The following GALNTL6 variants were observed in gnomAD, a reference collection of about 807,000 sequenced individuals.
GALNTL6 encodes the protein polypeptide N-acetylgalactosaminyltransferase like 6.
A neutral mutation model predicts 73.7 loss-of-function variants in GALNTL6; 46 were observed. The observed-to-expected ratio is 0.62, with a 90% CI of 0.49 to 0.80. The LOEUF (loss-of-function observed/expected upper bound fraction) is 0.80, where lower values mean the gene tolerates loss of function less well. Ranked by LOEUF, GALNTL6 falls within the 30% of genes least tolerant of loss-of-function variation. The probability of loss-of-function intolerance (pLI) is 0.00; values close to 1 mark genes in which losing one functional copy is unlikely to be tolerated. For synonymous variants in GALNTL6, 259 were observed against 263.7 expected, an observed-to-expected ratio of 0.98 and a Z score of 0.17; for missense variants, 604 against 755.0, an observed-to-expected ratio of 0.80 and a Z score of 2.34.
chr4:172,999,010 G>T (rs1285640397), intron 10 of GALNTL6, among the ~76,000 whole-genome samples: 4 of 151,248 alleles, frequency 2.6e-5, no homozygotes, highest in Non-Finnish European at 5.9e-5. Flanking sequence ...AAAAAACGTT[G>T]GCTGGTAAAA....
chr4:172,942,635 T>C (rs970985931), intron 9 of GALNTL6, among the ~76,000 whole-genome samples: 1 of 152,160 alleles, frequency 6.6e-6, no homozygotes, highest in Non-Finnish European at 1.5e-5. Context: ...CACCCACTTG[T>C]CAGAAGCATA....
At chr4:172,357,632 T>TACACACACACAC (rs1261733062) in intron 5 of GALNTL6, among the ~76,000 whole-genome samples, 2 of 7,630 alleles carry the variant, frequency 2.6e-4, no homozygotes, top group Non-Finnish European at 1.4e-3. Context: ...TATATAGATA[T>TACACACACACAC]ATACACACAC....
chr4:172,791,136 A>C (rs1414991965), intron 5 of GALNTL6, among the ~76,000 whole-genome samples: 1 of 152,148 alleles, frequency 6.6e-6, no homozygotes, highest in Non-Finnish European at 1.5e-5. Flanking sequence ...GCAAAAGGTA[A>C]AGGAACAGAA....
intron 2 of GALNTL6, among the ~76,000 whole-genome samples, chr4:171,984,913 G>A (rs1740019492): frequency 6.6e-6 from 1 of 151,878 alleles, no homozygotes; most frequent in Non-Finnish European, 1.5e-5. Flanking sequence ...AGCACTTTGG[G>A]AGGTCGAGGC....
At chr4:172,782,261 C>T (rs145045562) in intron 5 of GALNTL6, among the ~76,000 whole-genome samples, 113 of 152,154 alleles carry the variant, frequency 7.4e-4, no homozygotes, top group African/African-American at 2.6e-3. Context: ...GATTTATAGG[C>T]GTATGTTAAA....
chr4:172,960,627 G>A (rs1353208055), intron 10 of GALNTL6, among the ~76,000 whole-genome samples: 2 of 152,138 alleles, frequency 1.3e-5, no homozygotes, highest in African/African-American at 2.4e-5. Context: ...GGAACAATGT[G>A]TAAAAGAATG....
intron 2 of GALNTL6, among the ~76,000 whole-genome samples, chr4:171,981,148 T>C (rs192256680): frequency 3.5e-4 from 54 of 152,288 alleles, no homozygotes; most frequent in African/African-American, 1.3e-3. Context: ...TGCTTTTATG[T>C]TTTAGGAAGA....
rs555365399 is a variant in GALNTL6 at position 172,538,325 on chromosome 4, G to T, written c.553+189636G>T. ...AATACAAAAAAATTAGCCAGGCGTGGTGGCGGTGCCTGTAGTCCCATCTAC... is the reference window on the plus strand; with the variant it reads ...AATACAAAAAAATTAGCCAGGCGTGTTGGCGGTGCCTGTAGTCCCATCTAC... On this transcript the variant is annotated intron_variant, in intron 5 of 12. Transcript: ENST00000506823. Among the ~76,000 whole-genome samples, 39 of 152,160 alleles carry T rather than the reference G, an allele frequency of 2.6e-4. 1 individual carries two copies. The South Asian group carries it at 8.1e-3, about 32-fold the overall frequency.
rs182150821 is a variant in GALNTL6, at chr4:172,038,147, A to G, written c.139-191509A>G. Reference sequence around the variant, plus strand: ...AAAAAAACAAAAAAATTTAGAGATAATTTTCTCAGTCCTCTCTTACTCATC... The same window carrying G: ...AAAAAAACAAAAAAATTTAGAGATAGTTTTCTCAGTCCTCTCTTACTCATC... On this transcript the variant is annotated intron_variant, in intron 2 of 12. Coordinates refer to ENST00000506823, the MANE Select transcript of GALNTL6 (RefSeq NM_001034845.3). Among the ~76,000 whole-genome samples the G allele has an allele frequency of 4.2e-3, 636 of 151,718 alleles. 14 individuals carry two copies. The highest frequency in any genetic ancestry group is 3.7e-3 in the East Asian group (19 of 5,170).
At chr4:172,829,119 C>T (rs1212176174) in intron 7 of GALNTL6, among the ~76,000 whole-genome samples, 1 of 152,132 alleles carries the variant, frequency 6.6e-6, no homozygotes, top group Non-Finnish European at 1.5e-5. Context: ...TGAGATGCAA[C>T]CTGAGAAAGA....
chr4:172,017,982 T>C (rs986917410), intron 2 of GALNTL6, among the ~76,000 whole-genome samples: 1 of 151,582 alleles, frequency 6.6e-6, no homozygotes, highest in African/African-American at 2.4e-5. Context: ...TGTGCTGACT[T>C]TCTCAAATCC....
intron 7 of GALNTL6, among the ~76,000 whole-genome samples, chr4:172,821,425 GGCACCC>G (rs1163039927): frequency 1.3e-5 from 2 of 152,152 alleles, no homozygotes; most frequent in Non-Finnish European, 2.9e-5. Context: ...GAGAAACTTA[GGCACCC>G]GCTAAGTGAA....
At chr4:172,412,980 G>A (rs1234019750) in intron 5 of GALNTL6, among the ~76,000 whole-genome samples, 1 of 152,178 alleles carries the variant, frequency 6.6e-6, no homozygotes, top group Non-Finnish European at 1.5e-5. Context: ...AGACAGAGAA[G>A]GAAGCAGCAG....
At chr4:172,801,845 C>T (rs762376065) in intron 5 of GALNTL6, among the ~76,000 whole-genome samples, 9 of 152,178 alleles carry the variant, frequency 5.9e-5, no homozygotes, top group Admixed American at 1.3e-4. Flanking sequence ...TCTGCCACCC[C>T]TGAGACAGCA....
At chr4:173,007,378 C>A (rs562599708) in intron 10 of GALNTL6, among the ~76,000 whole-genome samples, 1 of 152,242 alleles carries the variant, frequency 6.6e-6, no homozygotes, top group African/African-American at 2.4e-5. Flanking sequence ...TATATAAGGG[C>A]TTAAAAAGGA....
intron 10 of GALNTL6, among the ~76,000 whole-genome samples, chr4:172,963,691 C>T (rs1202442818): frequency 6.6e-6 from 1 of 152,210 alleles, no homozygotes; most frequent in Non-Finnish European, 1.5e-5. Context: ...TCACTCCCTC[C>T]ATGGCCACAC....
chr4:172,104,458 G>T (rs951653498), intron 2 of GALNTL6, among the ~76,000 whole-genome samples: 1 of 152,086 alleles, frequency 6.6e-6, no homozygotes, highest in Non-Finnish European at 1.5e-5. Flanking sequence ...GGGAAACAAG[G>T]TTGTAGTAAA....
chr4:172,562,548 A>C (rs1008413645), intron 5 of GALNTL6, among the ~76,000 whole-genome samples: 2 of 152,148 alleles, frequency 1.3e-5, no homozygotes, highest in African/African-American at 4.8e-5. Flanking sequence ...TTGTCCCTCA[A>C]AAAATCAGAA....
At chr4:172,311,176 A>C (rs1740344561) in intron 3 of GALNTL6, among the ~76,000 whole-genome samples, 1 of 152,198 alleles carries the variant, frequency 6.6e-6, no homozygotes. Context: ...TGTGAAAAGC[A>C]AAGATGTTCA....
Sources: gnomAD v4.1 joint callset for allele counts (sites outside exome capture counted in the v4.1 genomes callset) on GRCh38, gnomAD v4.1.1 for gene constraint, MANE v1.5 for transcripts, NCBI Gene and HGNC (gene_info 2026-07-23, HGNC 2026-07-21) for gene names.